The following ACSL5 variants were observed in gnomAD, a reference collection of about 807,000 sequenced individuals.
ACSL5 encodes long-chain-fatty-acid--CoA ligase 5.
In ACSL5, 50 loss-of-function variants were observed where a neutral mutation model predicts 84.9. The ratio of observed to expected loss-of-function variants is 0.59; its 90% confidence interval spans 0.47 to 0.75. The LOEUF (loss-of-function observed/expected upper bound fraction) is 0.75, where lower values mean the gene tolerates loss of function less well. ACSL5 is among the 30% of genes least tolerant of loss of function. ACSL5 has a pLI of 0.00. For synonymous variants in ACSL5, 280 were observed against 300.7 expected (o/e 0.93, Z 0.71); for missense variants, 775 against 830.4 (o/e 0.93, Z 0.82).
chr10:112,423,753 G>C (rs1012335347), intron 17 of ACSL5, among the ~76,000 whole-genome samples: 1 of 152,138 alleles, frequency 6.6e-6, no homozygotes, highest in Non-Finnish European at 1.5e-5. Flanking sequence ...GAAAAATTAG[G>C]TGACTTCTCT....
At chr10:112,377,197 C>G (rs1849257778) in intron 1 of ACSL5, among the ~76,000 whole-genome samples, 1 of 152,098 alleles carries the variant, frequency 6.6e-6, no homozygotes, top group Non-Finnish European at 1.5e-5. Flanking sequence ...GAATCTATAG[C>G]TCCAATGTGT....
chr10:112,413,721 T>C lies in ACSL5; in HGVS notation c.1083+414T>C, dbSNP rs537148042. Among the ~76,000 whole-genome samples, 365 of 152,144 alleles carry C rather than the reference T, an allele frequency of 2.4e-3. 1 individual carries two copies. Among genetic ancestry groups the C allele is most frequent in the Non-Finnish European group, 4.2e-3 (289 of 68,004 alleles). ...GCCTGGGCAACAGAGCAAGACTCCA[T>C]CTCAAAAAATAAATAAAAATAAAAT... On this transcript the variant is annotated intron_variant, in intron 12 of 20. Transcript: ENST00000354655.
At position 112,401,796 on chromosome 10, in the gene ACSL5, CT is replaced by C. The variant is rs371051074; in HGVS notation, c.266-2712del. 4.6e-5 allele frequency among the ~76,000 whole-genome samples: 3 copies of C among 65,660 alleles called. No homozygotes were observed. The East Asian group carries it at 1.3e-3, about 29-fold the overall frequency. The allele number at this position is 65,660 out of a possible 152,430, so 43.1% of individuals were successfully genotyped here. ...TCTTTTTCTTTCTTTCTCTTTCTTT[CT>C]TTCTTTCTTTCTTTCTTTCTTTCTT... On this transcript the variant is annotated intron_variant, in intron 3 of 20. Coordinates refer to ENST00000354655, the MANE Select transcript of ACSL5 (RefSeq NM_203379.2).
At chr10:112,384,414 T>C (rs1849410003) in intron 1 of ACSL5, among the ~76,000 whole-genome samples, 1 of 152,254 alleles carries the variant, frequency 6.6e-6, no homozygotes, top group African/African-American at 2.4e-5. Flanking sequence ...CAATAGCTTT[T>C]GGCTGAATGA....
At chr10:112,402,354 T>C (rs763970267) in intron 3 of ACSL5, among the ~76,000 whole-genome samples, 6 of 152,170 alleles carry the variant, frequency 3.9e-5, no homozygotes, top group Admixed American at 6.6e-5. Context: ...TAATTCTTAG[T>C]ACAATACAAA....
At chr10:112,423,380 A>G in intron 17 of ACSL5, among the ~76,000 whole-genome samples, 1 of 150,336 alleles carries the variant, frequency 6.7e-6, no homozygotes, top group Non-Finnish European at 1.5e-5. Flanking sequence ...AAATTTTTAT[A>G]GAGATGGGGT....
chr10:112,409,432 C>A (rs3736947), intron 6 of ACSL5, 75 bp from the exon 7 acceptor site: 504,161 of 1,426,600 alleles, frequency 0.35, 95,122 homozygotes, highest in Admixed American at 0.52. Context: ...ACTTTTAAAA[C>A]CTCTTCCTTC....
At position 112,398,911 on chromosome 10, in the gene ACSL5, G is replaced by A. The variant is rs761769732; in HGVS notation, c.167G>A (p.Arg56Gln). 5.6e-6 allele frequency: 9 copies of A among 1,613,946 alleles called. No homozygotes were observed. Among genetic ancestry groups the A allele is most frequent in the African/African-American group, 1.3e-5 (1 of 74,944 alleles). Reference sequence around the variant, plus strand: ...GGTCTTGTGTCTTAGGGAGGAGCACGGAAGGGGGTTTCCCAGAAGAACAAT... The same window carrying A: ...GGTCTTGTGTCTTAGGGAGGAGCACAGAAGGGGGTTTCCCAGAAGAACAAT... Reference protein sequence around the residue: ...NQSVGIEGGARKGVSQKNNDL... With the variant: ...NQSVGIEGGAQKGVSQKNNDL... Residue 56 changes from arginine to glutamine, a missense_variant, in exon 3 of 21, where the codon CGG becomes CAG. By Grantham distance (43) the Arg-to-Gln change is conservative. Coordinates refer to ENST00000354655, the MANE Select transcript of ACSL5 (RefSeq NM_203379.2).
chr10:112,383,421 A>G (rs932946474), intron 1 of ACSL5, among the ~76,000 whole-genome samples: 1 of 152,270 alleles, frequency 6.6e-6, no homozygotes, highest in Non-Finnish European at 1.5e-5. Context: ...AGCAGGCTGT[A>G]GGTCAGGATC....
At chr10:112,408,586 G>A (rs911906566) in intron 6 of ACSL5, 65 bp downstream of exon 6, 24 of 1,168,284 alleles carry the variant, frequency 2.1e-5, no homozygotes, top group Non-Finnish European at 2.6e-5. Flanking sequence ...TTCAATTTCT[G>A]CTTTTTTGTT....
chr10:112,409,779 C>T (rs1248032523), intron 7 of ACSL5, 94 bp downstream of exon 7: 15 of 1,296,776 alleles, frequency 1.2e-5, no homozygotes, highest in Non-Finnish European at 1.5e-5. Flanking sequence ...TGTTCTTGTT[C>T]TCCAGGGGTG....
chr10:112,420,607 T>C (rs983370083), intron 14 of ACSL5, among the ~76,000 whole-genome samples: 1 of 152,242 alleles, frequency 6.6e-6, no homozygotes, highest in Non-Finnish European at 1.5e-5. Flanking sequence ...GTTCCTTCAG[T>C]GATGCTCCAT....
At position 112,374,126 on chromosome 10, in the gene ACSL5, C is replaced by G. The variant is rs555093984; in HGVS notation, c.-173C>G. 1 of 152,254 alleles carries G rather than the reference C, an allele frequency of 6.6e-6. No individual in the cohort carries two copies. Among genetic ancestry groups the G allele is most frequent in the East Asian group, 1.9e-4 (1 of 5,164 alleles). The allele number at this position is 152,254 out of a possible 1,614,324, so 9.4% of individuals were successfully genotyped here. On this transcript the variant is annotated 5_prime_UTR_variant, in exon 1 of 21. Transcript: ENST00000354655. ...GGGAGTGTGTTGGCCACTCTCAGGA[C>G]AGTACACAGTAGCTTCGGGTGTGTC...
chr10:112,425,275 C>A (rs1844623226), intron 17 of ACSL5, 63 bp from the exon 18 acceptor site: 34 of 1,431,484 alleles, frequency 2.4e-5, no homozygotes, highest in Non-Finnish European at 3.2e-5. Context: ...GACTTCACCA[C>A]TCTCCCCACT....
chr10:112,381,561 G>A (rs993007541), intron 1 of ACSL5, among the ~76,000 whole-genome samples: 2 of 151,724 alleles, frequency 1.3e-5, no homozygotes, highest in South Asian at 2.1e-4. Flanking sequence ...CCAGCTACTC[G>A]GGAGGCTGAG....
chr10:112,383,161 T>C (rs1054613499), intron 1 of ACSL5, among the ~76,000 whole-genome samples: 1 of 152,210 alleles, frequency 6.6e-6, no homozygotes, highest in Non-Finnish European at 1.5e-5. Flanking sequence ...TGTGCACACC[T>C]GTAGTCTCAG....
intron 1 of ACSL5, among the ~76,000 whole-genome samples, chr10:112,391,168 C>A (rs758350327): frequency 6.6e-6 from 1 of 152,150 alleles, no homozygotes; most frequent in Admixed American, 6.6e-5. Flanking sequence ...CACCTGAGGT[C>A]AGGAGTTTGA....
At chr10:112,380,408 C>A (rs1374261163) in intron 1 of ACSL5, among the ~76,000 whole-genome samples, 2 of 152,084 alleles carry the variant, frequency 1.3e-5, no homozygotes, top group African/African-American at 2.4e-5. Context: ...TACACTGGGC[C>A]CCACACACCA....
chr10:112,422,570 A>T (rs1319391177), intron 17 of ACSL5, 129 bp downstream of exon 17: 4 of 812,090 alleles, frequency 4.9e-6, no homozygotes, highest in Non-Finnish European at 8.0e-6. Flanking sequence ...TTAGGTTTGT[A>T]CCCTACCTGG....
Sources: allele counts gnomAD v4.1 joint callset (sites outside exome capture counted in the v4.1 genomes callset), GRCh38; gene constraint gnomAD v4.1.1; transcripts MANE v1.5; gene names NCBI Gene and HGNC (gene_info 2026-07-23, HGNC 2026-07-21).